Variants in LEKR1 observed in about 807,000 individuals in gnomAD.
The protein encoded by LEKR1 is leucine, glutamate and lysine rich 1.
LEKR1 carries 59 observed loss-of-function variants against 72.4 expected under a neutral mutation model. That is an observed-to-expected ratio of 0.82 (90% CI 0.66 to 1.01). The LOEUF (loss-of-function observed/expected upper bound fraction) is 1.01, where lower values mean the gene tolerates loss of function less well. Ranked by LOEUF, LEKR1 falls within the 50% of genes least tolerant of loss-of-function variation. The pLI is 0.00. For synonymous variants in LEKR1, 257 were observed against 263.2 expected, an observed-to-expected ratio of 0.98 and a Z score of 0.23; for missense variants, 728 against 759.2, an observed-to-expected ratio of 0.96 and a Z score of 0.48.
intron 12 of LEKR1, among the ~76,000 whole-genome samples, chr3:157,042,910 C>T (rs1458855432): frequency 6.6e-6 from 1 of 152,082 alleles, no homozygotes; most frequent in Non-Finnish European, 1.5e-5. Context: ...GGATCTGTGT[C>T]CCCACCCAAA....
At chr3:156,971,849 T>A (rs1215225195) in intron 6 of LEKR1, among the ~76,000 whole-genome samples, 2 of 152,178 alleles carry the variant, frequency 1.3e-5, no homozygotes, top group African/African-American at 4.8e-5. Context: ...CAACAGGTGC[T>A]GGAGAGGATG....
chr3:156,972,275 G>A (rs1729276121), intron 6 of LEKR1, among the ~76,000 whole-genome samples: 1 of 151,876 alleles, frequency 6.6e-6, no homozygotes, highest in Non-Finnish European at 1.5e-5. Context: ...CTCACTTATA[G>A]GTGGGAATTG....
chr3:156,912,435 A>G (rs1723204907), intron 3 of LEKR1, among the ~76,000 whole-genome samples: 1 of 152,172 alleles, frequency 6.6e-6, no homozygotes, highest in Non-Finnish European at 1.5e-5. Flanking sequence ...CCCAGCTCCT[A>G]TGCACTGGGC....
intron 2 of LEKR1, among the ~76,000 whole-genome samples, chr3:156,829,874 C>T (rs1178012456): frequency 6.6e-6 from 1 of 152,024 alleles, no homozygotes; most frequent in Non-Finnish European, 1.5e-5. Flanking sequence ...TTTGAAAAAA[C>T]TCACAGGCGA....
intron 3 of LEKR1, among the ~76,000 whole-genome samples, chr3:156,855,166 A>G (rs986557239): frequency 2.6e-5 from 4 of 152,200 alleles, no homozygotes; most frequent in Non-Finnish European, 5.9e-5. Context: ...ATAAATTTCT[A>G]GAAGTGGAAC....
intron 5 of LEKR1, among the ~76,000 whole-genome samples, chr3:156,935,148 T>C (rs1178868073): frequency 6.6e-6 from 1 of 152,200 alleles, no homozygotes; most frequent in Non-Finnish European, 1.5e-5. Flanking sequence ...TTTTCAACCC[T>C]TGACTTTTAT....
chr3:157,037,412 G>A (rs1485789932), intron 12 of LEKR1, among the ~76,000 whole-genome samples: 1 of 152,086 alleles, frequency 6.6e-6, no homozygotes, highest in Non-Finnish European at 1.5e-5. Context: ...GCAGAGACAA[G>A]AATAAAGGTC....
intron 5 of LEKR1, among the ~76,000 whole-genome samples, chr3:156,938,205 G>A (rs954979551): frequency 4.6e-5 from 7 of 152,040 alleles, no homozygotes; most frequent in African/African-American, 1.7e-4. Context: ...AAGTTCTGTG[G>A]ATTTTACCAA....
intron 2 of LEKR1, among the ~76,000 whole-genome samples, chr3:156,835,945 C>G (rs1456528744): frequency 1.4e-5 from 2 of 138,744 alleles, no homozygotes; most frequent in African/African-American, 5.4e-5. Context: ...GCAATCTCGA[C>G]TCACTGCAAC....
At chr3:156,849,405 T>A (rs1317407802) in intron 2 of LEKR1, among the ~76,000 whole-genome samples, 1 of 152,110 alleles carries the variant, frequency 6.6e-6, no homozygotes, top group Non-Finnish European at 1.5e-5. Context: ...TGGAAAAAAC[T>A]ACTTTAAAGT....
At chr3:156,850,674 A>G (rs1234045360) in intron 2 of LEKR1, among the ~76,000 whole-genome samples, 1 of 152,158 alleles carries the variant, frequency 6.6e-6, no homozygotes, top group Non-Finnish European at 1.5e-5. Flanking sequence ...ATCTTCAACA[A>G]TTACAGGCCC....
intron 4 of LEKR1, among the ~76,000 whole-genome samples, chr3:156,926,004 T>C (rs1167134124): frequency 1.3e-5 from 2 of 152,096 alleles, no homozygotes; most frequent in Middle Eastern, 3.2e-3. Context: ...TATTGTGGCC[T>C]AAAGAAGCAA....
intron 3 of LEKR1, among the ~76,000 whole-genome samples, chr3:156,883,001 G>A (rs1719616901): frequency 6.7e-6 from 1 of 150,074 alleles, no homozygotes; most frequent in African/African-American, 2.5e-5. Flanking sequence ...GGGGACTGTT[G>A]TGGGTTGGGG....
chr3:156,947,442 G>T (rs1472448030), intron 6 of LEKR1, among the ~76,000 whole-genome samples: 1 of 151,006 alleles, frequency 6.6e-6, no homozygotes, highest in Non-Finnish European at 1.5e-5. Context: ...TTACAGTGGG[G>T]TTATGTCCCA....
chr3:157,034,135 G>A (rs947729660), intron 12 of LEKR1, among the ~76,000 whole-genome samples: 3 of 152,122 alleles, frequency 2.0e-5, no homozygotes, highest in Admixed American at 6.5e-5. Flanking sequence ...GATGTACAAG[G>A]GGATTAATGT....
intron 12 of LEKR1, among the ~76,000 whole-genome samples, chr3:157,043,242 T>C (rs1452149550): frequency 6.6e-6 from 1 of 152,208 alleles, no homozygotes; most frequent in African/African-American, 2.4e-5. Flanking sequence ...TTGAATCTCT[T>C]TTCTTTATAA....
chr3:157,028,232 CT>C lies in LEKR1; in HGVS notation c.1500del (p.Asn502IlefsTer10). 6.2e-7 allele frequency: 1 copy of C among 1,613,356 alleles called. No homozygotes were observed. The highest frequency in any genetic ancestry group is 2.2e-5 in the East Asian group (1 of 44,834). ...SNSKEKEIENLKNLVAEFESR... is the reference protein window; with the variant it reads ...SNSKEKEIENXKNLVAEFESR... The stretch of plus-strand genomic sequence containing the variant: ...TTCAAAGGAAAAAGAAATTGAAAAT[CT>C]TAAAAATTTGGTTGCAGAATTTGAA... On this transcript the variant is annotated frameshift_variant, in exon 12 of 13. Transcript: ENST00000356539. LOFTEE classifies it high-confidence loss of function.
chr3:156,872,404 TTTTTA>T (rs1418280518), intron 3 of LEKR1, among the ~76,000 whole-genome samples: 3 of 152,028 alleles, frequency 2.0e-5, no homozygotes, highest in African/African-American at 7.2e-5. Flanking sequence ...TCATTGATCC[TTTTTA>T]TTTTATTTTA....
At chr3:156,930,774 A>G (rs1170428127) in intron 5 of LEKR1, among the ~76,000 whole-genome samples, 1 of 152,130 alleles carries the variant, frequency 6.6e-6, no homozygotes, top group South Asian at 2.1e-4. Context: ...TATATAATCA[A>G]TTGACTTCTG....
Sources: gnomAD v4.1 joint callset for allele counts (sites outside exome capture counted in the v4.1 genomes callset) on GRCh38, gnomAD v4.1.1 for gene constraint, MANE v1.5 for transcripts, NCBI Gene and HGNC (gene_info 2026-07-23, HGNC 2026-07-21) for gene names.